Variants in MTMR12 observed in about 807,000 individuals in gnomAD.
MTMR12 encodes the protein myotubularin related protein 12.
In MTMR12, 33 loss-of-function variants were observed where a neutral mutation model predicts 96.7. The ratio of observed to expected loss-of-function variants is 0.34; its 90% CI spans 0.26 to 0.46. The LOEUF (loss-of-function observed/expected upper bound fraction) is 0.46, where lower values mean the gene tolerates loss of function less well. Among genes scored for constraint, MTMR12 ranks in the 20% least tolerant of loss-of-function variants. The pLI is 1.00. For missense variants in MTMR12, 721 were observed against 896.1 expected (o/e 0.80, Z 2.49); for synonymous variants, 298 against 327.2 (o/e 0.91, Z 0.96).
At position 32,228,607 on chromosome 5, in the gene MTMR12, T is replaced by TCACATATATATGATATATATATATCA. The variant is rs4031030; in HGVS notation, c.*1170_*1171insTGATATATATATATCATATATATGTG. 80 of 117,326 alleles carry TCACATATATATGATATATATATATCA rather than the reference T, an allele frequency of 6.8e-4. No homozygotes were observed. Among genetic ancestry groups the TCACATATATATGATATATATATATCA allele is most frequent in the South Asian group, 8.2e-4 (3 of 3,638 alleles). 7.3% of individuals were successfully genotyped at this position (117,326 alleles called of 1,614,324 possible). The stretch of plus-strand genomic sequence containing the variant: ...TATATATGTGATATATATATATATA[T>TCACATATATATGATATATATATATCA]CATATATATGATATATATATATCAC... On this transcript the variant is annotated 3_prime_UTR_variant, in exon 16 of 16. Coordinates refer to ENST00000382142, the MANE Select transcript of MTMR12 (RefSeq NM_001040446.3).
At chr5:32,272,109 G>A (rs1749859324) in intron 3 of MTMR12, among the ~76,000 whole-genome samples, 2 of 151,950 alleles carry the variant, frequency 1.3e-5, no homozygotes, top group Non-Finnish European at 2.9e-5. Flanking sequence ...GCCTAACACG[G>A]TGAAACCCCA....
rs1299015165 is a variant in MTMR12 at position 32,251,054 on chromosome 5, C to CTT, written c.790-2178_790-2177dup. On this transcript the variant is annotated intron_variant, in intron 8 of 15. Transcript: ENST00000382142. ...ATTCGGTACATTTTAAGGTCCCTCT[C>CTT]TTTTTTTTTTTTTTTTTTTGAGACG... Among the ~76,000 whole-genome samples the CTT allele has an allele frequency of 1.5e-3, 193 of 130,962 alleles. 1 individual carries two copies. The highest frequency in any genetic ancestry group is 2.5e-3 in the African/African-American group (86 of 34,212). The allele number at this position is 130,962 out of a possible 152,430, so 85.9% of individuals were successfully genotyped here.
At chr5:32,230,671 T>C (rs1010269406) in intron 15 of MTMR12, among the ~76,000 whole-genome samples, 2 of 152,174 alleles carry the variant, frequency 1.3e-5, no homozygotes, top group Non-Finnish European at 2.9e-5. Flanking sequence ...ACAAAGCACT[T>C]CTGAAAAAGC....
intron 1 of MTMR12, among the ~76,000 whole-genome samples, chr5:32,286,694 G>C (rs1750551708): frequency 6.6e-6 from 1 of 152,124 alleles, no homozygotes; most frequent in Admixed American, 6.6e-5. Context: ...TCATTTTAGA[G>C]ATGAGGAAAA....
At chr5:32,263,046 T>C in intron 7 of MTMR12, 67 bp downstream of exon 7, 8 of 1,575,664 alleles carry the variant, frequency 5.1e-6, no homozygotes, top group East Asian at 2.2e-5. Flanking sequence ...CCTGTGAATA[T>C]ACTAAAAAAC....
At chr5:32,247,707 T>G (rs1169826106) in intron 10 of MTMR12, 3 of 976,338 alleles carry the variant, frequency 3.1e-6, no homozygotes, top group Non-Finnish European at 3.7e-6. Flanking sequence ...CAAAAACTTT[T>G]AAAGGAAGAA....
In MTMR12 at chr5:32,312,890, C is replaced by A. The variant is rs773918240; in HGVS notation, c.-52G>T. ...GCGGACGCAGAGGCGGCGGCTCGGG[C>A]TCCAGCTGGGGCAGCAGCGGCGGCC... On this transcript the variant is annotated 5_prime_UTR_variant, in exon 1 of 16. Coordinates refer to ENST00000382142, the MANE Select transcript of MTMR12 (RefSeq NM_001040446.3). The surrounding 1 kb of genome is among the most constrained non-coding windows in gnomAD (Gnocchi z 5.0). The A allele has an allele frequency of 5.4e-6, 8 of 1,483,088 alleles. No individual in the cohort carries two copies. The highest frequency in any genetic ancestry group is 2.8e-5 in the East Asian group (1 of 35,230). 91.9% of individuals were successfully genotyped at this position (1,483,088 alleles called of 1,614,324 possible). A position where few individuals can be genotyped will look rare whatever the true frequency, so the allele number is the denominator to read the frequency against.
Position 32,274,085 on chromosome 5 carries a change from C to T in MTMR12, c.180G>A (p.Lys60=). 6.2e-7 allele frequency: 1 copy of T among 1,614,204 alleles called. No individual in the cohort carries two copies. The highest frequency in any genetic ancestry group is 1.1e-5 in the South Asian group (1 of 91,090). Reference sequence around the variant, plus strand: ...GCTGACAGGAATCTTCCTGGACATACTTCAGTACTGTGCTGGCTTCACAAA... The same window carrying T: ...GCTGACAGGAATCTTCCTGGACATATTTCAGTACTGTGCTGGCTTCACAAA... The part of the protein sequence containing the change: ...QLLCEASTVL[K]YVQEDSCQHG... The change falls in exon 3 of 16, where the codon AAG becomes AAA. Residue 60 remains lysine (K), a synonymous_variant. Coordinates refer to ENST00000382142, the MANE Select transcript of MTMR12 (RefSeq NM_001040446.3).
At chr5:32,263,317 C>A (rs1581612976) in intron 6 of MTMR12, 75 bp from the exon 7 acceptor site, 1 of 1,576,704 alleles carries the variant, frequency 6.3e-7, no homozygotes, top group Non-Finnish European at 8.6e-7. Flanking sequence ...GAAAGTCCCT[C>A]CTTAGGTTTT....
intron 7 of MTMR12, among the ~76,000 whole-genome samples, chr5:32,260,987 C>A (rs776438592): frequency 6.6e-5 from 10 of 151,614 alleles, no homozygotes; most frequent in Non-Finnish European, 1.5e-4. Context: ...AATCCCAGCA[C>A]TTTGGGAGGC....
intron 1 of MTMR12, among the ~76,000 whole-genome samples, chr5:32,310,375 C>T (rs933607325): frequency 1.3e-5 from 2 of 152,172 alleles, no homozygotes; most frequent in Non-Finnish European, 2.9e-5. Context: ...ACACTATTCA[C>T]CACAGCCAAG....
At chr5:32,260,027 C>A (rs1369724176) in intron 7 of MTMR12, among the ~76,000 whole-genome samples, 1 of 137,824 alleles carries the variant, frequency 7.3e-6, no homozygotes, top group Non-Finnish European at 1.5e-5. Flanking sequence ...CAGAGTGAGA[C>A]TCAGTCTCCC....
At chr5:32,304,954 G>A in intron 1 of MTMR12, among the ~76,000 whole-genome samples, 1 of 152,172 alleles carries the variant, frequency 6.6e-6, no homozygotes, top group Non-Finnish European at 1.5e-5. Flanking sequence ...GACCATCTCT[G>A]GAGAGACCTT....
At chr5:32,276,379 A>G (rs923293692) in intron 2 of MTMR12, among the ~76,000 whole-genome samples, 3 of 152,246 alleles carry the variant, frequency 2.0e-5, no homozygotes, top group African/African-American at 7.2e-5. Context: ...AGCATACTGG[A>G]AGAGGCCATT....
In MTMR12 at chr5:32,228,665, G is replaced by A. The variant is rs1353906421; in HGVS notation, c.*1113C>T. ...TCATATATATATCATTTAGACAGCA[G>A]ATCCAAGAAGGTGACCAGGCATAGT... On this transcript the variant is annotated 3_prime_UTR_variant, in exon 16 of 16. Coordinates refer to ENST00000382142, the MANE Select transcript of MTMR12 (RefSeq NM_001040446.3). 1 of 143,788 alleles carries A rather than the reference G, an allele frequency of 7.0e-6. No individual in the cohort carries two copies. The highest frequency in any genetic ancestry group is 1.5e-5 in the Non-Finnish European group (1 of 66,354). The allele number at this position is 143,788 out of a possible 1,614,324, so 8.9% of individuals were successfully genotyped here.
chr5:32,263,008 A>C (rs1295646749), intron 7 of MTMR12, 105 bp downstream of exon 7: 7 of 1,390,620 alleles, frequency 5.0e-6, no homozygotes, highest in South Asian at 4.4e-5. Context: ...AAAATGTTCT[A>C]AATTGACTGT....
chr5:32,278,399 TAGA>T (rs1274981075), intron 1 of MTMR12, among the ~76,000 whole-genome samples: 1 of 152,060 alleles, frequency 6.6e-6, no homozygotes, highest in Admixed American at 6.5e-5. Context: ...TTTTCTTTGG[TAGA>T]AGGCCCTGGG....
intron 1 of MTMR12, among the ~76,000 whole-genome samples, chr5:32,305,606 A>G (rs116694769): frequency 0.016 from 2,487 of 152,300 alleles, 31 homozygotes; most frequent in Non-Finnish European, 0.025. Context: ...ACCTAGAACA[A>G]TATCTGGGAT....
Position 32,270,803 on chromosome 5 carries a change from A to G in MTMR12, c.489+14T>C, listed in dbSNP as rs200131522. On this transcript the variant is annotated intron_variant, in intron 5 of 15. Coordinates refer to ENST00000382142, the MANE Select transcript of MTMR12 (RefSeq NM_001040446.3). ...GATGGGAAATAAAACCTAAAAACAC[A>G]TGCAACTAGTTACCCTTTTGACTTC... 2 of 1,593,608 alleles carry G rather than the reference A, an allele frequency of 1.3e-6. No homozygotes were observed. Among genetic ancestry groups the G allele is most frequent in the Non-Finnish European group, 1.7e-6 (2 of 1,171,910 alleles).
Sources: allele counts gnomAD v4.1 joint callset (sites outside exome capture counted in the v4.1 genomes callset), GRCh38; gene constraint gnomAD v4.1.1; non-coding constraint Gnocchi (gnomAD v3.1); transcripts MANE v1.5; gene names NCBI Gene and HGNC (gene_info 2026-07-23, HGNC 2026-07-21).